The following ZIC4 variants were observed in gnomAD, a reference collection of about 807,000 sequenced individuals.
ZIC4 encodes zinc finger protein ZIC 4.
In ZIC4, 15 loss-of-function variants were observed where a neutral mutation model predicts 28.8. The ratio of observed to expected loss-of-function variants is 0.52; its 90% CI spans 0.35 to 0.80. ZIC4 has a LOEUF of 0.80. Among genes scored for constraint, ZIC4 ranks in the 30% least tolerant of loss-of-function variants. ZIC4 has a pLI of 0.01. For missense variants in ZIC4, 512 were observed against 467.1 expected, an observed-to-expected ratio of 1.10 and a Z score of -0.89; for synonymous variants, 220 against 198.1, an observed-to-expected ratio of 1.11 and a Z score of -0.93.
At chr3:147,401,022 A>G (rs2087156360) in intron 2 of ZIC4, among the ~76,000 whole-genome samples, 1 of 152,192 alleles carries the variant, frequency 6.6e-6, no homozygotes, top group Non-Finnish European at 1.5e-5. Flanking sequence ...GATCTTTAGC[A>G]CATGTCAAAA....
chr3:147,392,394 C>A, intron 3 of ZIC4: 3 of 985,496 alleles, frequency 3.0e-6, no homozygotes, highest in Non-Finnish European at 3.6e-6. Flanking sequence ...ACAATATTGG[C>A]CGGACCGAGC....
At chr3:147,391,283 G>A in intron 3 of ZIC4, 37 bp from the exon 4 acceptor site, 12 of 1,533,170 alleles carry the variant, frequency 7.8e-6, no homozygotes, top group Non-Finnish European at 1.1e-5. Context: ...GTGCTTGTGG[G>A]TCGTGTTCCC....
intron 4 of ZIC4, among the ~76,000 whole-genome samples, chr3:147,389,812 A>T (rs1335199096): frequency 6.6e-6 from 1 of 152,148 alleles, no homozygotes; most frequent in Non-Finnish European, 1.5e-5. Context: ...AACATTGTGC[A>T]ATTACTAACA....
chr3:147,403,268 G>A (rs950454906), intron 1 of ZIC4, among the ~76,000 whole-genome samples: 1 of 152,088 alleles, frequency 6.6e-6, no homozygotes, highest in Non-Finnish European at 1.5e-5. Context: ...TATAACTGTT[G>A]GAACCAAGAG....
chr3:147,393,827 G>T (rs1474488361), intron 3 of ZIC4: 1 of 454,736 alleles, frequency 2.2e-6, no homozygotes, highest in Non-Finnish European at 4.4e-6. Context: ...GCCGAGCGCG[G>T]TTGCTGGCCC....
intron 3 of ZIC4, among the ~76,000 whole-genome samples, chr3:147,394,456 AGTTT>A (rs1335284096): frequency 1.4e-5 from 2 of 140,936 alleles, no homozygotes; most frequent in East Asian, 2.2e-4. Context: ...GAGCTGTAAA[AGTTT>A]GTTTGTTTAA....
Position 147,388,640 on chromosome 3 carries a change from A to C in ZIC4, c.*219T>G, listed in dbSNP as rs2086841640. ...AAGAAAAAAGGTCTGTTAGACGTAA[A>C]TATTATGTCCTTAATGAAAAGCCTG... is the stretch of plus-strand genomic sequence containing the variant. On this transcript the variant is annotated 3_prime_UTR_variant, in exon 5 of 5. Transcript: ENST00000383075. 1 of 535,120 alleles carries C rather than the reference A, an allele frequency of 1.9e-6. No homozygotes were observed. Among genetic ancestry groups the C allele is most frequent in the Non-Finnish European group, 3.3e-6 (1 of 299,942 alleles). The allele number at this position is 535,120 out of a possible 1,614,324, so 33.1% of individuals were successfully genotyped here. A position where few individuals can be genotyped will look rare whatever the true frequency, so the allele number is the denominator to read the frequency against.
chr3:147,396,175 T>C lies in ZIC4; in HGVS notation c.365A>G (p.Gln122Arg), dbSNP rs1404404221. 1.2e-6 allele frequency: 2 copies of C among 1,613,992 alleles called. No individual in the cohort carries two copies. Among genetic ancestry groups the C allele is most frequent in the African/African-American group, 2.7e-5 (2 of 74,936 alleles). ...GCAGATGAGCTCCTGTTTGATGGGC[T>C]GGCGCATGTAGCGGAAGAAAGCGCC... ...GPGAFFRYMR[Q>R]PIKQELICKW... Residue 122 changes from glutamine to arginine, a missense_variant, in exon 3 of 5, where the codon CAG (glutamine) becomes CGG (arginine). This residue lies in a region of ZIC4 where 310 missense variants were observed against 256.5 expected (regional missense o/e 1.21). Coordinates refer to ENST00000383075, the MANE Select transcript of ZIC4 (RefSeq NM_032153.6). The surrounding 1 kb of genome is among the most constrained non-coding windows in gnomAD (Gnocchi z 4.2).
In ZIC4 at chr3:147,396,338, G is replaced by C. The variant is rs761869580; in HGVS notation, c.202C>G (p.Pro68Ala). The C allele has an allele frequency of 1.3e-6, 2 of 1,580,518 alleles. No homozygotes were observed. The highest frequency in any genetic ancestry group is 3.7e-5 in the Admixed American group (2 of 54,470). ...TCCGGCCGCGCGTACATGTCTCCAG[G>C]GAGCCCCAGACGCAGGAGTCCATTC... ...PLNGLLRLGL[P>A]GDMYARPEPF... Residue 68 changes from proline (P) to alanine (A), a missense_variant, in exon 3 of 5, where the codon CCT (proline) becomes GCT (alanine). Pro to Ala is a conservative substitution (Grantham distance 27). Around this residue, in one of 3 missense-constraint regions of ZIC4, gnomAD observed 310 missense variants for 256.5 expected, o/e 1.21. Transcript: ENST00000383075. The surrounding 1 kb of genome is among the most constrained non-coding windows in gnomAD (Gnocchi z 4.2).
In ZIC4 at chr3:147,396,023, A is replaced by T. The variant is rs773391986; in HGVS notation, c.517T>A (p.Cys173Ser). The change falls in exon 3 of 5, where the codon TGC becomes AGC. Residue 173 changes from cysteine (C) to serine (S), a missense_variant. By Grantham distance (112) the Cys-to-Ser change is moderately radical. Transcript: ENST00000383075. This position sits in a 1 kb window ranked among gnomAD's most constrained non-coding sequence, Gnocchi z 4.2. The part of the protein sequence containing the change: ...VGGPEQANHI[C>S]FWEECPRQGK... ...TGGCGCGGACACTCCTCCCAGAAGCAAATGTGGTTGGCCTGTTCCGGGCCG... is the reference window on the plus strand; with the variant it reads ...TGGCGCGGACACTCCTCCCAGAAGCTAATGTGGTTGGCCTGTTCCGGGCCG... 1 of 1,614,262 alleles carries T rather than the reference A, an allele frequency of 6.2e-7. No individual in the cohort carries two copies. The highest frequency in any genetic ancestry group is 8.5e-7 in the Non-Finnish European group (1 of 1,180,056).
chr3:147,402,058 G>A lies in ZIC4; in HGVS notation c.70+670C>T, dbSNP rs145573560. ...TACCAATGAGGGAACATCTTTGGAG[G>A]CAACCATCAGCTAGTGATATAGTTG... On this transcript the variant is annotated intron_variant, in intron 2 of 4. Coordinates refer to ENST00000383075, the MANE Select transcript of ZIC4 (RefSeq NM_032153.6). 2.0e-3 allele frequency among the ~76,000 whole-genome samples: 311 copies of A among 152,272 alleles called. 2 individuals are homozygous for A. Among genetic ancestry groups the A allele is most frequent in the African/African-American group, 7.2e-3 (299 of 41,554 alleles).
intron 3 of ZIC4, chr3:147,394,092 T>C: frequency 2.6e-6 from 1 of 391,874 alleles, no homozygotes; most frequent in South Asian, 1.9e-5. Context: ...TGAGGTCTAT[T>C]GCCATTTGAG....
chr3:147,391,840 T>C (rs2086928279), intron 3 of ZIC4: 5 of 425,936 alleles, frequency 1.2e-5, no homozygotes, highest in Non-Finnish European at 1.6e-5. Flanking sequence ...ATAAAGTGGA[T>C]TCGTGCTGCA....
chr3:147,386,188 A>G lies in ZIC4; in HGVS notation c.*2671T>C, dbSNP rs2086794626. On this transcript the variant is annotated 3_prime_UTR_variant, in exon 5 of 5. Coordinates refer to ENST00000383075, the MANE Select transcript of ZIC4 (RefSeq NM_032153.6). ...ATTTATATATTTACAAGATCAAGCC[A>G]TGGCTTTCAACTTTGTTGTTCATTC... 1 of 152,262 alleles carries G rather than the reference A, an allele frequency of 6.6e-6. No homozygotes were observed. The highest frequency in any genetic ancestry group is 1.5e-5 in the Non-Finnish European group (1 of 68,046). 9.4% of individuals were successfully genotyped at this position (152,262 alleles called of 1,614,324 possible). A position where few individuals can be genotyped will look rare whatever the true frequency, so the allele number is the denominator to read the frequency against.
chr3:147,387,908 G>A lies in ZIC4; in HGVS notation c.*951C>T, dbSNP rs1198524790. 1 of 152,218 alleles carries A rather than the reference G, an allele frequency of 6.6e-6. No homozygotes were observed. The highest frequency in any genetic ancestry group is 1.9e-4 in the East Asian group (1 of 5,176). 9.4% of individuals were successfully genotyped at this position (152,218 alleles called of 1,614,324 possible). On this transcript the variant is annotated 3_prime_UTR_variant, in exon 5 of 5. Coordinates refer to ENST00000383075, the MANE Select transcript of ZIC4 (RefSeq NM_032153.6). ...TCCATCCTACTCAAGAGTCAGAAAG[G>A]CGATTTGCACAAAACTGAGCTTGGA...
rs2086817645 is a variant in ZIC4 at position 147,387,549 on chromosome 3, T to A, written c.*1310A>T. The A allele has an allele frequency of 6.6e-6, 1 of 152,586 alleles. No homozygotes were observed. 9.5% of individuals were successfully genotyped at this position (152,586 alleles called of 1,614,324 possible). A position where few individuals can be genotyped will look rare whatever the true frequency, so the allele number is the denominator to read the frequency against. On this transcript the variant is annotated 3_prime_UTR_variant, in exon 5 of 5. Transcript: ENST00000383075. ...TCCACTGTTTGATTTTTTTTTTCAC[T>A]GTGTTTATTTTTCCCCTATTCACTG...
At chr3:147,394,486 AAC>A (rs1491418990) in intron 3 of ZIC4, among the ~76,000 whole-genome samples, 1 of 145,124 alleles carries the variant, frequency 6.9e-6, no homozygotes, top group Non-Finnish European at 1.5e-5. Context: ...AAAAAAAAAA[AAC>A]CCTGTCATTA....
chr3:147,403,899 G>A (rs2107985299), intron 1 of ZIC4: 1 of 1,460,374 alleles, frequency 6.8e-7, no homozygotes, highest in Non-Finnish European at 9.1e-7. Flanking sequence ...TGGCTTGGCG[G>A]CTTTTACCCT....
Position 147,388,829 on chromosome 3 carries a change from G to C in ZIC4, c.*30C>G. 1.3e-6 allele frequency: 1 copy of C among 779,132 alleles called. No homozygotes were observed. The highest frequency in any genetic ancestry group is 2.4e-6 in the Non-Finnish European group (1 of 417,612). 48.3% of individuals were successfully genotyped at this position (779,132 alleles called of 1,614,324 possible). ...TGCGGGGCGCTCAGCTGCGCGGAGC[G>C]AGATTACCTTGCGAGCAACGCGGTG... On this transcript the variant is annotated 3_prime_UTR_variant, in exon 5 of 5. Coordinates refer to ENST00000383075, the MANE Select transcript of ZIC4 (RefSeq NM_032153.6).
Sources: gnomAD v4.1 joint callset for allele counts (sites outside exome capture counted in the v4.1 genomes callset) on GRCh38, gnomAD v4.1.1 for gene constraint, gnomAD v4.1.1 regional missense constraint, Gnocchi (gnomAD v3.1) non-coding constraint, MANE v1.5 for transcripts, NCBI Gene and HGNC (gene_info 2026-07-23, HGNC 2026-07-21) for gene names.